FIRRM: variants seen among roughly 807,000 people sequenced by gnomAD.
The protein encoded by FIRRM is FIGNL1 interacting regulator of recombination and mitosis.
chr1:169,831,789 C>T, the FIRRM span, among the ~76,000 whole-genome samples: 1 of 152,142 alleles, frequency 6.6e-6, no homozygotes, highest in Non-Finnish European at 1.5e-5. Flanking sequence ...GGGTCTCATT[C>T]TGTCACCCAG....
the FIRRM span, among the ~76,000 whole-genome samples, chr1:169,811,769 T>TTATC: frequency 2.5e-4 from 35 of 139,906 alleles, no homozygotes; most frequent in African/African-American, 7.8e-4. Context: ...AATAGACAGA[T>TTATC]TATCTAAATA....
chr1:169,846,784 A>G, the FIRRM span, among the ~76,000 whole-genome samples: 1 of 152,204 alleles, frequency 6.6e-6, no homozygotes, highest in Non-Finnish European at 1.5e-5. Flanking sequence ...CACATCAACA[A>G]TAAGACTTTC....
At chr1:169,795,218 C>T in the FIRRM span, 3 of 1,535,588 alleles carry the variant, frequency 2.0e-6, no homozygotes, top group Non-Finnish European at 2.6e-6. Flanking sequence ...CTCCTCATAT[C>T]CTTCCTTGGT....
chr1:169,822,201 G>T, the FIRRM span, among the ~76,000 whole-genome samples: 1 of 152,186 alleles, frequency 6.6e-6, no homozygotes, highest in African/African-American at 2.4e-5. Flanking sequence ...CCTGCAAGCT[G>T]CAGGGAACCC....
the FIRRM span, chr1:169,821,660 A>G: frequency 3.9e-6 from 6 of 1,534,586 alleles, no homozygotes; most frequent in South Asian, 6.3e-5. Context: ...ATGCTTTCTT[A>G]TTTCCCTTTT....
chr1:169,811,697 TTATC>T, the FIRRM span, among the ~76,000 whole-genome samples: 81 of 146,714 alleles, frequency 5.5e-4, no homozygotes, highest in African/African-American at 2.0e-3. Context: ...AATAGACAGA[TTATC>T]TAAATAGATA....
chr1:169,849,951 C>T, the FIRRM span: 162 of 465,672 alleles, frequency 3.5e-4, 1 homozygote, highest in Non-Finnish European at 5.6e-4. Context: ...GGCTGATGAA[C>T]CTAAACCTGT....
At chr1:169,838,029 A>C in the FIRRM span, among the ~76,000 whole-genome samples, 1 of 151,864 alleles carries the variant, frequency 6.6e-6, no homozygotes, top group South Asian at 2.1e-4. Flanking sequence ...CCTCCACCTC[A>C]CGGATTCAGG....
the FIRRM span, among the ~76,000 whole-genome samples, chr1:169,811,272 A>G: frequency 6.6e-6 from 1 of 152,204 alleles, no homozygotes; most frequent in Admixed American, 6.5e-5. Context: ...GCTTTTAGAA[A>G]TTTGTATTAT....
At chr1:169,833,006 C>CT in the FIRRM span, among the ~76,000 whole-genome samples, 1 of 152,090 alleles carries the variant, frequency 6.6e-6, no homozygotes, top group Non-Finnish European at 1.5e-5. Context: ...GATGTCCTTG[C>CT]TTTGAGTTAT....
the FIRRM span, among the ~76,000 whole-genome samples, chr1:169,826,805 A>T: frequency 6.6e-6 from 1 of 152,212 alleles, no homozygotes; most frequent in Non-Finnish European, 1.5e-5. Context: ...TCAAAGCAAC[A>T]AAGATTTCTC....
chr1:169,848,953 C>T, the FIRRM span, among the ~76,000 whole-genome samples: 497 of 152,272 alleles, frequency 3.3e-3, 6 homozygotes, highest in African/African-American at 0.011. Context: ...TTTTGCTGTA[C>T]CCAGTGCTGT....
the FIRRM span, chr1:169,793,984 C>A: frequency 0.094 from 24,233 of 259,028 alleles, 1,609 homozygotes; most frequent in Admixed American, 0.18. Flanking sequence ...TAAACAGCCA[C>A]CCCCACCCCT....
chr1:169,827,683 G>T, the FIRRM span: 1 of 1,612,220 alleles, frequency 6.2e-7, no homozygotes, highest in South Asian at 1.1e-5. Context: ...GATTTCTGCT[G>T]AATTAATGTG....
the FIRRM span, chr1:169,823,378 C>T: frequency 6.9e-7 from 1 of 1,453,328 alleles, no homozygotes; most frequent in East Asian, 2.3e-5. Flanking sequence ...TATTTTTATG[C>T]AAAGAATGAA....
chr1:169,851,585 G>C, the FIRRM span: 3 of 550,840 alleles, frequency 5.4e-6, no homozygotes, highest in Non-Finnish European at 9.5e-6. Flanking sequence ...AAGGTTAGCA[G>C]ACTATCATTT....
At chr1:169,811,004 C>T in the FIRRM span, among the ~76,000 whole-genome samples, 8 of 151,480 alleles carry the variant, frequency 5.3e-5, no homozygotes, top group Non-Finnish European at 7.4e-5. Context: ...GGACTACAGG[C>T]GCCTGCCACC....
the FIRRM span, chr1:169,837,166 T>C: frequency 6.9e-7 from 1 of 1,438,948 alleles, no homozygotes. Flanking sequence ...TTATTGAGCA[T>C]TGTTTTAGGT....
At chr1:169,800,345 T>C in the FIRRM span, among the ~76,000 whole-genome samples, 1 of 152,210 alleles carries the variant, frequency 6.6e-6, no homozygotes, top group Non-Finnish European at 1.5e-5. Context: ...ATGCGTGGCA[T>C]AATTTTTTTT....
Sources: allele counts gnomAD v4.1 joint callset (sites outside exome capture counted in the v4.1 genomes callset), GRCh38; gene constraint gnomAD v4.1.1; transcripts MANE v1.5; gene names NCBI Gene and HGNC (gene_info 2026-07-23, HGNC 2026-07-21).